Variants in ZSWIM6 observed in about 807,000 individuals in gnomAD.
ZSWIM6 encodes zinc finger SWIM-type containing 6.
Under a neutral mutation model 113.2 loss-of-function variants are expected in ZSWIM6, and 9 were observed. That is an observed-to-expected ratio of 0.08 (90% confidence interval 0.05 to 0.14). The LOEUF is 0.14. ZSWIM6 is among the 10% of genes least tolerant of loss of function. ZSWIM6 has a pLI of 1.00. For missense variants in ZSWIM6, 1,162 were observed against 1,552.2 expected (o/e 0.75, Z 4.22); for synonymous variants, 611 against 606.5 (o/e 1.01, Z -0.11).
chr5:61,475,689 A>C (rs1474896061), intron 2 of ZSWIM6, among the ~76,000 whole-genome samples: 2 of 152,176 alleles, frequency 1.3e-5, no homozygotes, highest in East Asian at 3.8e-4. Context: ...AAGTGGTAAA[A>C]AAGAAGAGAG....
intron 1 of ZSWIM6, chr5:61,375,438 AT>A (rs1242600835): frequency 1.3e-6 from 2 of 1,522,294 alleles, no homozygotes; most frequent in African/African-American, 2.7e-5. Context: ...CTTCTTCTTC[AT>A]CAAGCTCTGA....
chr5:61,431,217 A>G (rs1450550835), intron 1 of ZSWIM6, among the ~76,000 whole-genome samples: 4 of 151,630 alleles, frequency 2.6e-5, no homozygotes, highest in South Asian at 2.1e-4. Flanking sequence ...TAAAATACAG[A>G]AAAAAATTAG....
In ZSWIM6 at chr5:61,332,845, G is replaced by A. The variant is rs1033642140; in HGVS notation, c.573G>A (p.Val191=). Residue 191 remains valine (V), a synonymous_variant, in exon 1 of 14, where the codon GTG becomes GTA. Coordinates refer to ENST00000252744, the MANE Select transcript of ZSWIM6 (RefSeq NM_020928.2). ...CCGCGGGGGCCGGGGCCCCGTCGGTGGGGGCTGCCGGGGCGGCGGACGGCG... is the reference window on the plus strand; with the variant it reads ...CCGCGGGGGCCGGGGCCCCGTCGGTAGGGGCTGCCGGGGCGGCGGACGGCG... The part of the protein sequence containing the change: ...AAAAGAGAPS[V]GAAGAADGGD... 9.2e-6 allele frequency: 10 copies of A among 1,087,300 alleles called. No individual in the cohort carries two copies. Among genetic ancestry groups the A allele is most frequent in the Non-Finnish European group, 1.1e-5 (10 of 888,224 alleles). The allele number at this position is 1,087,300 out of a possible 1,614,324, so 67.4% of individuals were successfully genotyped here.
intron 12 of ZSWIM6, 68 bp downstream of exon 12, chr5:61,539,827 T>C: frequency 2.1e-6 from 3 of 1,450,806 alleles, no homozygotes; most frequent in South Asian, 1.4e-5. Flanking sequence ...TAGGGTTGTT[T>C]TTGTTTGATT....
chr5:61,533,540 T>C (rs2112280340), intron 9 of ZSWIM6, among the ~76,000 whole-genome samples: 1 of 152,332 alleles, frequency 6.6e-6, no homozygotes, highest in East Asian at 1.9e-4. Flanking sequence ...AGTCCAGGAA[T>C]TACACTAATT....
At chr5:61,451,573 G>A (rs1197957019) in intron 1 of ZSWIM6, among the ~76,000 whole-genome samples, 2 of 152,126 alleles carry the variant, frequency 1.3e-5, no homozygotes, top group African/African-American at 4.8e-5. Flanking sequence ...TCCCAGCATA[G>A]ACAAACTTCT....
intron 2 of ZSWIM6, among the ~76,000 whole-genome samples, chr5:61,488,916 T>C (rs963293250): frequency 1.3e-5 from 2 of 152,008 alleles, no homozygotes; most frequent in Non-Finnish European, 2.9e-5. Context: ...GGACAAAACA[T>C]CTTTTATTGT....
intron 4 of ZSWIM6, among the ~76,000 whole-genome samples, chr5:61,517,778 ATTATTTAT>A (rs931454725): frequency 7.4e-5 from 11 of 147,760 alleles, no homozygotes; most frequent in East Asian, 5.9e-4. Context: ...TAATTATTTA[ATTATTTAT>A]TTATTTATTT....
chr5:61,338,129 C>T (rs1040785252), intron 1 of ZSWIM6, among the ~76,000 whole-genome samples: 8 of 150,216 alleles, frequency 5.3e-5, no homozygotes, highest in Admixed American at 2.0e-4. Context: ...CACATTCTTA[C>T]ACTCTTTTCA....
chr5:61,356,317 T>G (rs1744906500), intron 1 of ZSWIM6, among the ~76,000 whole-genome samples: 1 of 152,174 alleles, frequency 6.6e-6, no homozygotes, highest in Admixed American at 6.5e-5. Flanking sequence ...TTTTTTATCT[T>G]AAATTTTAAG....
At chr5:61,360,577 A>G (rs937093735) in intron 1 of ZSWIM6, among the ~76,000 whole-genome samples, 4 of 152,188 alleles carry the variant, frequency 2.6e-5, no homozygotes, top group Non-Finnish European at 5.9e-5. Flanking sequence ...GCCCCCACAC[A>G]TGATAATTGT....
At chr5:61,360,906 T>C (rs1032592067) in intron 1 of ZSWIM6, among the ~76,000 whole-genome samples, 6 of 152,226 alleles carry the variant, frequency 3.9e-5, no homozygotes, top group African/African-American at 1.4e-4. Flanking sequence ...TTCTTCTTTC[T>C]CTACGCATTC....
chr5:61,499,255 A>G (rs947957073), intron 4 of ZSWIM6, among the ~76,000 whole-genome samples: 3 of 152,198 alleles, frequency 2.0e-5, no homozygotes, highest in Non-Finnish European at 4.4e-5. Flanking sequence ...ATTGCTTGTC[A>G]TCTACCTGTT....
rs1225980796 is a variant in ZSWIM6 at position 61,472,318 on chromosome 5, C to T, written c.677-363C>T. 1.3e-5 allele frequency among the ~76,000 whole-genome samples: 2 copies of T among 152,056 alleles called. No individual in the cohort carries two copies. The highest frequency in any genetic ancestry group is 4.8e-5 in the African/African-American group (2 of 41,388). On this transcript the variant is annotated intron_variant, in intron 1 of 13. Coordinates refer to ENST00000252744, the MANE Select transcript of ZSWIM6 (RefSeq NM_020928.2). The surrounding 1 kb of genome is among the most constrained non-coding windows in gnomAD (Gnocchi z 4.1). ...GTAGAAAAAAGAAGAAACCACTGATCCCACTGATCTAGGGGATTATTGTGT... is the reference window on the plus strand; with the variant it reads ...GTAGAAAAAAGAAGAAACCACTGATTCCACTGATCTAGGGGATTATTGTGT...
At chr5:61,389,304 C>CGCGG (rs1745652424) in intron 1 of ZSWIM6, among the ~76,000 whole-genome samples, 1 of 151,506 alleles carries the variant, frequency 6.6e-6, no homozygotes, top group Admixed American at 6.6e-5. Flanking sequence ...GCCTGTAATC[C>CGCGG]TAGCACTTTG....
intron 1 of ZSWIM6, among the ~76,000 whole-genome samples, chr5:61,438,138 C>G (rs919749202): frequency 3.9e-5 from 6 of 152,142 alleles, no homozygotes; most frequent in Non-Finnish European, 8.8e-5. Context: ...ACCTTCCCCC[C>G]ATTCAGTAGC....
chr5:61,410,389 A>G (rs1180168379), intron 1 of ZSWIM6, among the ~76,000 whole-genome samples: 1 of 147,540 alleles, frequency 6.8e-6, no homozygotes, highest in Non-Finnish European at 1.5e-5. Context: ...GGCTCACTGC[A>G]ACCTCTGACT....
chr5:61,485,927 C>T, intron 2 of ZSWIM6, among the ~76,000 whole-genome samples: 1 of 152,118 alleles, frequency 6.6e-6, no homozygotes, highest in Non-Finnish European at 1.5e-5. Flanking sequence ...GACATGTAAG[C>T]TCTTTTATAA....
chr5:61,428,384 A>T (rs947363415), intron 1 of ZSWIM6, among the ~76,000 whole-genome samples: 1 of 152,108 alleles, frequency 6.6e-6, no homozygotes, highest in Admixed American at 6.6e-5. Flanking sequence ...TATTTTAGAG[A>T]TGGGGTCCCA....
Sources: gnomAD v4.1 joint callset for allele counts (sites outside exome capture counted in the v4.1 genomes callset) on GRCh38, gnomAD v4.1.1 for gene constraint, Gnocchi (gnomAD v3.1) non-coding constraint, MANE v1.5 for transcripts, NCBI Gene and HGNC (gene_info 2026-07-23, HGNC 2026-07-21) for gene names.